KIF15: variants seen among roughly 807,000 people sequenced by gnomAD.
KIF15 encodes the protein kinesin-like protein KIF15.
Under a neutral mutation model 190.6 loss-of-function variants are expected in KIF15, and 140 were observed. The observed-to-expected ratio is 0.73, with a 90% CI of 0.64 to 0.84. The LOEUF (loss-of-function observed/expected upper bound fraction) is 0.84. KIF15 is among the 40% of genes least tolerant of loss of function. The probability of loss-of-function intolerance (pLI) is 0.00; values close to 1 mark genes in which losing one functional copy is unlikely to be tolerated. For missense variants in KIF15, 1,372 were observed against 1,584.4 expected, an observed-to-expected ratio of 0.87 and a Z score of 2.28; for synonymous variants, 528 against 551.3, an observed-to-expected ratio of 0.96 and a Z score of 0.59.
At chr3:44,829,372 ATATG>A (rs1559574065) in intron 24 of KIF15, among the ~76,000 whole-genome samples, 1 of 134,494 alleles carries the variant, frequency 7.4e-6, no homozygotes, top group African/African-American at 2.9e-5. Context: ...ATATATATAT[ATATG>A]TGTGTGTGTG....
intron 6 of KIF15, chr3:44,861,810 G>C (rs1324004135): frequency 8.2e-7 from 1 of 1,217,596 alleles, no homozygotes. Context: ...ATTCCCAAGG[G>C]GCCTGCCGGA....
chr3:44,840,746 G>T (rs1006296632), intron 28 of KIF15, among the ~76,000 whole-genome samples: 1 of 132,144 alleles, frequency 7.6e-6, no homozygotes, highest in Admixed American at 9.4e-5. Flanking sequence ...TCGGCTCACT[G>T]CAGCCTCCGT....
intron 16 of KIF15, among the ~76,000 whole-genome samples, chr3:44,807,077 A>C (rs774669130): frequency 1.3e-5 from 2 of 152,190 alleles, no homozygotes; most frequent in African/African-American, 2.4e-5. Context: ...GAAATAGAGA[A>C]GACCGAAAAC....
At chr3:44,808,102 C>T (rs1221884610) in intron 16 of KIF15, among the ~76,000 whole-genome samples, 2 of 151,910 alleles carry the variant, frequency 1.3e-5, no homozygotes, top group African/African-American at 4.8e-5. Flanking sequence ...CCATGCCTGA[C>T]CAGAATTTTT....
intron 22 of KIF15, among the ~76,000 whole-genome samples, 193 bp downstream of exon 22, chr3:44,826,653 C>T (rs1369229855): frequency 6.6e-6 from 1 of 152,062 alleles, no homozygotes; most frequent in Non-Finnish European, 1.5e-5. Flanking sequence ...TAACAACTAG[C>T]TATAGTACTT....
chr3:44,786,630 A>G, intron 7 of KIF15, 56 bp downstream of exon 7: 1 of 1,424,850 alleles, frequency 7.0e-7, no homozygotes, highest in Non-Finnish European at 9.5e-7. Flanking sequence ...CTGTGAATGC[A>G]CCCCAAACTC....
At chr3:44,839,283 G>A (rs1472577492) in intron 27 of KIF15, among the ~76,000 whole-genome samples, 1 of 151,980 alleles carries the variant, frequency 6.6e-6, no homozygotes, top group Non-Finnish European at 1.5e-5. Context: ...TGAGGCAGGA[G>A]AATGGTGTGA....
rs375265453 is a variant in KIF15 at position 44,795,778 on chromosome 3, G to C, written c.849+1352G>C. 5.9e-5 allele frequency among the ~76,000 whole-genome samples: 9 copies of C among 152,224 alleles called. No homozygotes were observed. In the East Asian group the frequency reaches 1.4e-3, roughly 23 times the overall value. On this transcript the variant is annotated intron_variant, in intron 8 of 34. Coordinates refer to ENST00000326047, the MANE Select transcript of KIF15 (RefSeq NM_020242.3). ...GGGCAAGGGGAGAGGAATTGGAAAG[G>C]ATGAGGGAAGAGATCTACTTTTTTC...
intron 32 of KIF15, among the ~76,000 whole-genome samples, chr3:44,849,312 A>G (rs1311203316): frequency 6.6e-6 from 1 of 152,226 alleles, no homozygotes; most frequent in Admixed American, 6.5e-5. Context: ...GGGATATACA[A>G]TATAGTGACA....
Position 44,830,079 on chromosome 3 carries a change from A to G in KIF15, c.3048+4A>G. Reference sequence around the variant, plus strand: ...ACAAGAACTGAAGGACATAAATGTAAGTTCGGTCACCAACAAGATGTTAAA... The same window carrying G: ...ACAAGAACTGAAGGACATAAATGTAGGTTCGGTCACCAACAAGATGTTAAA... On this transcript the variant is annotated splice_donor_region_variant and intron_variant, in intron 25 of 34. Transcript: ENST00000326047. 4 of 1,527,410 alleles carry G rather than the reference A, an allele frequency of 2.6e-6. No individual in the cohort carries two copies. Among genetic ancestry groups the G allele is most frequent in the Non-Finnish European group, 3.6e-6 (4 of 1,123,854 alleles). 94.6% of individuals were successfully genotyped at this position (1,527,410 alleles called of 1,614,324 possible).
intron 6 of KIF15, among the ~76,000 whole-genome samples, chr3:44,859,084 G>A (rs1240035134): frequency 6.6e-6 from 1 of 152,222 alleles, no homozygotes; most frequent in Admixed American, 6.5e-5. Flanking sequence ...CACGGCTTAG[G>A]AGGAATCCCA....
chr3:44,775,129 G>T (rs372554526), intron 2 of KIF15, 125 bp from the exon 3 acceptor site: 11 of 725,360 alleles, frequency 1.5e-5, no homozygotes, highest in Middle Eastern at 3.9e-4. Flanking sequence ...ATTTGTATGG[G>T]ATATGTCTTG....
chr3:44,805,937 A>G lies in KIF15; in HGVS notation c.1922A>G (p.Lys641Arg), dbSNP rs762919889. 3.7e-6 allele frequency: 6 copies of G among 1,614,198 alleles called. No individual in the cohort carries two copies. Among genetic ancestry groups the G allele is most frequent in the East Asian group, 2.2e-5 (1 of 44,882 alleles). The change falls in exon 16 of 35, where the codon AAG becomes AGG. Residue 641 changes from lysine (K) to arginine (R), a missense_variant. Lys to Arg is a conservative substitution (Grantham distance 26, BLOSUM62 2). Coordinates refer to ENST00000326047, the MANE Select transcript of KIF15 (RefSeq NM_020242.3). ...CTTTTGGAAGCAACAAAAGCCTGCA[A>G]GCGGCAAGAAGTTTCTCAGCTGAAT... ...ENLLEATKACKRQEVSQLNKI... is the reference protein window; with the variant it reads ...ENLLEATKACRRQEVSQLNKI...
At chr3:44,848,303 AGTACCAAG>A (rs1037794648) in intron 31 of KIF15, among the ~76,000 whole-genome samples, 8 of 152,260 alleles carry the variant, frequency 5.3e-5, no homozygotes, top group African/African-American at 1.9e-4. Context: ...TTTAGAAGCA[AGTACCAAG>A]GCCTGTTTGA....
chr3:44,820,338 C>T (rs868588377), intron 20 of KIF15, among the ~76,000 whole-genome samples: 2,623 of 140,540 alleles, frequency 0.019, 65 homozygotes, highest in African/African-American at 0.063. Flanking sequence ...TTTTTTTTTC[C>T]TTTTTTTTTT....
intron 6 of KIF15, chr3:44,863,078 C>T (rs1056303539): frequency 1.3e-5 from 2 of 151,930 alleles, no homozygotes; most frequent in African/African-American, 4.8e-5. Context: ...AAATTTAAAA[C>T]ATGAATTTTT....
chr3:44,787,512 C>G (rs1706464141), intron 7 of KIF15, among the ~76,000 whole-genome samples: 1 of 152,016 alleles, frequency 6.6e-6, no homozygotes, highest in Non-Finnish European at 1.5e-5. Context: ...TTGATTCCAG[C>G]TGTTTAAATT....
At chr3:44,837,318 T>C (rs890294624) in intron 26 of KIF15, among the ~76,000 whole-genome samples, 2 of 152,234 alleles carry the variant, frequency 1.3e-5, no homozygotes, top group Non-Finnish European at 2.9e-5. Flanking sequence ...TTATATTTTT[T>C]ACATATCCTT....
At chr3:44,787,875 G>T (rs1179147925) in intron 7 of KIF15, among the ~76,000 whole-genome samples, 1 of 150,930 alleles carries the variant, frequency 6.6e-6, no homozygotes, top group African/African-American at 2.4e-5. Flanking sequence ...TTTTTTTGGA[G>T]ACAGAATCTT....
Sources: gnomAD v4.1 joint callset for allele counts (sites outside exome capture counted in the v4.1 genomes callset) on GRCh38, gnomAD v4.1.1 for gene constraint, MANE v1.5 for transcripts, NCBI Gene and HGNC (gene_info 2026-07-23, HGNC 2026-07-21) for gene names.